The following TTLL10 variants were observed in gnomAD, a reference collection of about 807,000 sequenced individuals.
TTLL10 encodes the protein inactive polyglycylase TTLL10.
In TTLL10, 61 loss-of-function variants were observed where a neutral mutation model predicts 69.0. The observed-to-expected ratio is 0.88, with a 90% CI of 0.72 to 1.09. The LOEUF (loss-of-function observed/expected upper bound fraction) is 1.09, where lower values mean the gene tolerates loss of function less well. Ranked by LOEUF, TTLL10 falls within the 50% of genes least tolerant of loss-of-function variation. The probability of loss-of-function intolerance (pLI) is 0.00; values close to 1 mark genes in which losing one functional copy is unlikely to be tolerated. For missense variants in TTLL10, 962 were observed against 945.9 expected, an observed-to-expected ratio of 1.02 and a Z score of -0.22; for synonymous variants, 408 against 393.3, an observed-to-expected ratio of 1.04 and a Z score of -0.44.
intron 11 of TTLL10, among the ~76,000 whole-genome samples, chr1:1,183,292 T>C (rs908831905): frequency 5.9e-5 from 9 of 152,166 alleles, no homozygotes; most frequent in African/African-American, 2.2e-4. Context: ...TGGGGCCCCC[T>C]CTGTCCTGCA....
chr1:1,179,436 G>A (rs1646972349), intron 4 of TTLL10, 103 bp downstream of exon 4: 3 of 1,300,910 alleles, frequency 2.3e-6, no homozygotes, highest in Non-Finnish European at 3.3e-6. Context: ...CATGGGGCAG[G>A]GGCAGGATCC....
In TTLL10 at chr1:1,179,703, CGGCCCCTGCCCTGCACCA is replaced by C. The variant is rs1557474067; in HGVS notation, c.170_187del (p.Pro57_Gly62del). On this transcript the variant is annotated inframe_deletion, in exon 5 of 16. Coordinates refer to ENST00000379289, the MANE Select transcript of TTLL10 (RefSeq NM_001130045.2). ...TGCACCCAGCACCGGCCTCACAGCCCGGCCCCTGCCCTGCACCAGGCCACTGCCCTGTTGGTGAGGAGG... is the reference window on the plus strand; with the variant it reads ...TGCACCCAGCACCGGCCTCACAGCCCGGCCACTGCCCTGTTGGTGAGGAGG... 1.6e-5 allele frequency: 25 copies of C among 1,550,616 alleles called. No individual in the cohort carries two copies. Among genetic ancestry groups the C allele is most frequent in the East Asian group, 7.3e-5 (3 of 40,926 alleles).
chr1:1,182,779 A>AGGG, intron 10 of TTLL10, 97 bp from the exon 11 acceptor site: 1 of 1,444,278 alleles, frequency 6.9e-7, no homozygotes, highest in Middle Eastern at 2.0e-4. Flanking sequence ...GGCCGGGCCG[A>AGGG]GGGTCGCAGC....
In TTLL10 at chr1:1,185,356, G is replaced by A; in HGVS notation, c.1401+247G>A. ...GGGGTCTGTCGGCACGAGTCCCGCG[G>A]GCAGCCTCGCCGTAGGGTCAGGGGA... On this transcript the variant is annotated intron_variant, in intron 13 of 15. Transcript: ENST00000379289. This position sits in a 1 kb window ranked among gnomAD's most constrained non-coding sequence, Gnocchi z 6.1. The A allele has an allele frequency of 2.2e-6, 3 of 1,354,520 alleles. 1 individual carries two copies. Among genetic ancestry groups the A allele is most frequent in the Non-Finnish European group, 2.8e-6 (3 of 1,057,016 alleles). The allele number at this position is 1,354,520 out of a possible 1,614,324, so 83.9% of individuals were successfully genotyped here. A position where few individuals can be genotyped will look rare whatever the true frequency, so the allele number is the denominator to read the frequency against.
At chr1:1,174,108 C>T (rs1646812340) in intron 1 of TTLL10, 177 bp from the exon 2 acceptor site, 1 of 152,288 alleles carries the variant, frequency 6.6e-6, no homozygotes, top group Non-Finnish European at 1.5e-5. Flanking sequence ...GACCCCAGCG[C>T]CACCGTGCGA....
intron 13 of TTLL10, among the ~76,000 whole-genome samples, chr1:1,188,189 T>C (rs746059603): frequency 2.5e-4 from 38 of 152,210 alleles, no homozygotes; most frequent in Non-Finnish European, 5.0e-4. Flanking sequence ...GGACTCTCAG[T>C]TCCATTCCAT....
At chr1:1,191,113 C>A (rs1234212297) in intron 13 of TTLL10, among the ~76,000 whole-genome samples, 2 of 152,240 alleles carry the variant, frequency 1.3e-5, no homozygotes, top group Non-Finnish European at 2.9e-5. Flanking sequence ...AGCCATGATG[C>A]TCAGCTGCAA....
intron 3 of TTLL10, among the ~76,000 whole-genome samples, chr1:1,178,274 C>T (rs1330141135): frequency 1.3e-5 from 2 of 152,028 alleles, no homozygotes; most frequent in Non-Finnish European, 2.9e-5. Flanking sequence ...AAAGCCCTCA[C>T]CTAAGCCGGG....
chr1:1,196,768 G>T, intron 14 of TTLL10, 52 bp downstream of exon 14: 1 of 1,297,950 alleles, frequency 7.7e-7, no homozygotes, highest in Non-Finnish European at 1.1e-6. Flanking sequence ...GGAGGCAGGG[G>T]CCATCTGTAC....
At chr1:1,195,580 G>A (rs1477962750) in intron 13 of TTLL10, among the ~76,000 whole-genome samples, 6 of 141,932 alleles carry the variant, frequency 4.2e-5, no homozygotes, top group Non-Finnish European at 9.0e-5. Flanking sequence ...CCTGACCTCA[G>A]GTGATCCACC....
chr1:1,182,530 G>T (rs1647104291), intron 10 of TTLL10, 84 bp downstream of exon 10: 2 of 1,425,964 alleles, frequency 1.4e-6, no homozygotes, highest in South Asian at 1.1e-5. Flanking sequence ...ATGAGGGCAG[G>T]GCTGGGTCTG....
intron 14 of TTLL10, 40 bp from the exon 15 acceptor site, chr1:1,197,049 CAGTG>C: frequency 1.3e-6 from 2 of 1,532,114 alleles, no homozygotes; most frequent in Non-Finnish European, 8.8e-7. Context: ...CCTGCTGGCC[CAGTG>C]GGCTCGGGGT....
intron 13 of TTLL10, among the ~76,000 whole-genome samples, chr1:1,189,238 G>T (rs1316941891): frequency 1.3e-5 from 2 of 152,186 alleles, no homozygotes; most frequent in Non-Finnish European, 2.9e-5. Context: ...GGAAGGCCGT[G>T]GGTTTCTCAT....
intron 6 of TTLL10, 46 bp downstream of exon 6, chr1:1,180,386 G>A (rs745582746): frequency 7.8e-6 from 12 of 1,539,400 alleles, no homozygotes; most frequent in South Asian, 2.4e-5. Flanking sequence ...AATACCCACC[G>A]CCTGCTCCCG....
In TTLL10 at chr1:1,197,815, G is replaced by T. The variant is rs1293706558; in HGVS notation, c.1990G>T (p.Glu664Ter). 2.6e-6 allele frequency: 4 copies of T among 1,514,206 alleles called. No individual in the cohort carries two copies. In the African/African-American group the frequency reaches 4.3e-5, roughly 16 times the overall value. 93.8% of individuals were successfully genotyped at this position (1,514,206 alleles called of 1,614,324 possible). ...GCCTTCCCCGGGGACAGCCAAGGAG[G>T]AACGCGAGGAGCCTGAGAACGCGAG... ...QEPSPGTAKEEREEPENARP is the reference protein window; with the variant it reads ...QEPSPGTAKE Residue 664 changes from glutamate to a stop codon, truncating the protein, a stop_gained, in exon 16 of 16, where the codon GAA becomes TAA. Transcript: ENST00000379289. LOFTEE classifies it high-confidence loss of function.
Position 1,197,576 on chromosome 1 carries a change from G to A in TTLL10, c.1751G>A (p.Arg584His). The A allele has an allele frequency of 9.2e-6, 14 of 1,514,118 alleles. No individual in the cohort carries two copies. Among genetic ancestry groups the A allele is most frequent in the Middle Eastern group, 1.9e-4 (1 of 5,330 alleles). 93.8% of individuals were successfully genotyped at this position (1,514,118 alleles called of 1,614,324 possible). A position where few individuals can be genotyped will look rare whatever the true frequency, so the allele number is the denominator to read the frequency against. The change falls in exon 16 of 16, where the codon CGC (arginine) becomes CAC (histidine). Residue 584 changes from arginine to histidine, a missense_variant. Transcript: ENST00000379289. ...PHLGGSCSLR[R>H]WPPLPTRQAK... ...CTGGGGGGCTCGTGCAGCCTCCGCC[G>A]CTGGCCGCCCCTGCCCACCCGCCAG...
At chr1:1,190,231 AT>A (rs1434372623) in intron 13 of TTLL10, among the ~76,000 whole-genome samples, 1 of 148,174 alleles carries the variant, frequency 6.7e-6, no homozygotes, top group Non-Finnish European at 1.5e-5. Flanking sequence ...GATTTTAGTA[AT>A]TTGATTCTTC....
chr1:1,197,746 G>A lies in TTLL10; in HGVS notation c.1921G>A (p.Gly641Ser). The A allele has an allele frequency of 6.5e-7, 1 of 1,535,008 alleles. No homozygotes were observed. The highest frequency in any genetic ancestry group is 2.5e-5 in the East Asian group (1 of 39,846). ...SAHDGEPQAP[G>S]TEQSGTGNRH... is the part of the protein sequence containing the mutation. ...CCACGATGGGGAGCCCCAGGCCCCG[G>A]GCACGGAGCAGTCGGGCACAGGCAA... Residue 641 changes from glycine (G) to serine (S), a missense_variant, in exon 16 of 16, where the codon GGC becomes AGC. Coordinates refer to ENST00000379289, the MANE Select transcript of TTLL10 (RefSeq NM_001130045.2).
At chr1:1,183,725 C>T (rs1015678297) in intron 11 of TTLL10, among the ~76,000 whole-genome samples, 195 bp from the exon 12 acceptor site, 12 of 152,224 alleles carry the variant, frequency 7.9e-5, no homozygotes, top group African/African-American at 2.2e-4. Context: ...CTGGAGCACC[C>T]ATCAGGGTGC....
Sources: gnomAD v4.1 joint callset for allele counts (sites outside exome capture counted in the v4.1 genomes callset) on GRCh38, gnomAD v4.1.1 for gene constraint, Gnocchi (gnomAD v3.1) non-coding constraint, MANE v1.5 for transcripts, NCBI Gene and HGNC (gene_info 2026-07-23, HGNC 2026-07-21) for gene names.